SDR42E2: variants seen among roughly 807,000 people sequenced by gnomAD.
The protein encoded by SDR42E2 is putative short-chain dehydrogenase/reductase family 42E member 2.
A neutral mutation model predicts 10.5 loss-of-function variants in SDR42E2; 20 were observed. The observed-to-expected ratio is 1.90, with a 90% confidence interval of 1.34 to 2.77. The LOEUF (loss-of-function observed/expected upper bound fraction) is 2.77, where lower values mean the gene tolerates loss of function less well. SDR42E2 is among the 30% of genes most tolerant of loss of function. The pLI is 0.00. For synonymous variants in SDR42E2, 72 were observed against 39.2 expected (o/e 1.84, Z -3.12); for missense variants, 162 against 104.2 (o/e 1.55, Z -2.42).
intron 7 of SDR42E2, among the ~76,000 whole-genome samples, chr16:22,177,612 A>G (rs1383456457): frequency 6.6e-6 from 1 of 152,098 alleles, no homozygotes. Flanking sequence ...TGGGCGGCAG[A>G]GCAAGATTCC....
In SDR42E2 at chr16:22,170,847, C is replaced by T. The variant is rs201626437; in HGVS notation, c.409C>T (p.Arg137Trp). The change falls in exon 6 of 13, where the codon CGG (arginine) becomes TGG (tryptophan). Residue 137 changes from arginine to tryptophan, a missense_variant. Coordinates refer to ENST00000602312, the MANE Select transcript of SDR42E2 (RefSeq NM_001394319.2). The stretch of plus-strand genomic sequence containing the variant: ...TGCTGCTGCAGTCTGTGTTCGCCGG[C>T]GGGTTCCAAGGCTCATCTATACCAG... ...KLVIDVCVRRRVPRLIYTSTV... is the reference protein window; with the variant it reads ...KLVIDVCVRRWVPRLIYTSTV... 4.3e-4 allele frequency: 300 copies of T among 702,974 alleles called. 1 individual carries two copies. Among genetic ancestry groups the T allele is most frequent in the South Asian group, 2.1e-3 (145 of 67,610 alleles). 43.5% of individuals were successfully genotyped at this position (702,974 alleles called of 1,614,324 possible). A position where few individuals can be genotyped will look rare whatever the true frequency, so the allele number is the denominator to read the frequency against.
intron 1 of SDR42E2, among the ~76,000 whole-genome samples, chr16:22,164,794 C>T (rs2046521898): frequency 6.6e-6 from 1 of 152,164 alleles, no homozygotes; most frequent in East Asian, 1.9e-4. Context: ...CCTCCTCCTC[C>T]TCTTTCTCTT....
intron 12 of SDR42E2, among the ~76,000 whole-genome samples, chr16:22,187,988 C>T (rs541035661): frequency 6.6e-6 from 1 of 151,680 alleles, no homozygotes; most frequent in South Asian, 2.1e-4. Context: ...CCCAGCTACT[C>T]GGGATGCTGA....
At chr16:22,179,531 G>T (rs2046674610) in intron 8 of SDR42E2, among the ~76,000 whole-genome samples, 1 of 152,132 alleles carries the variant, frequency 6.6e-6, no homozygotes, top group South Asian at 2.1e-4. Flanking sequence ...GTATGTTCAG[G>T]CCAAGTGCGG....
intron 1 of SDR42E2, among the ~76,000 whole-genome samples, chr16:22,164,279 C>T (rs1320825037): frequency 1.3e-5 from 2 of 152,132 alleles, no homozygotes; most frequent in Non-Finnish European, 2.9e-5. Context: ...ATCTAGGGAG[C>T]TGGATGCGGT....
chr16:22,171,389 T>C (rs928040759), intron 6 of SDR42E2, among the ~76,000 whole-genome samples: 18 of 148,746 alleles, frequency 1.2e-4, no homozygotes, highest in African/African-American at 4.0e-4. Flanking sequence ...TATAGGTGCA[T>C]GCCACCACAA....
At position 22,190,206 on chromosome 16, in the gene SDR42E2, C is replaced by G. The variant is rs759503124; in HGVS notation, c.1082C>G (p.Pro361Arg). Reference sequence around the variant, plus strand: ...GCCCGCGCCCAGCTCGGCTACGCGCCGGATAAGTTTAGGTTCGCCGACGCC... The same window carrying G: ...GCCCGCGCCCAGCTCGGCTACGCGCGGGATAAGTTTAGGTTCGCCGACGCC... ...AKARAQLGYAPDKFRFADAVE... is the reference protein window; with the variant it reads ...AKARAQLGYARDKFRFADAVE... The change falls in exon 13 of 13, where the codon CCG (proline) becomes CGG (arginine). Residue 361 changes from proline to arginine, a missense_variant. Physicochemically the swap from Pro to Arg is moderately radical, Grantham distance 103. Transcript: ENST00000602312. 2.5e-6 allele frequency: 1 copy of G among 401,084 alleles called. No individual in the cohort carries two copies. The highest frequency in any genetic ancestry group is 4.4e-6 in the Non-Finnish European group (1 of 226,130). 24.8% of individuals were successfully genotyped at this position (401,084 alleles called of 1,614,324 possible). A position where few individuals can be genotyped will look rare whatever the true frequency, so the allele number is the denominator to read the frequency against.
chr16:22,188,761 G>T (rs1049166447), intron 12 of SDR42E2, among the ~76,000 whole-genome samples: 2 of 152,044 alleles, frequency 1.3e-5, no homozygotes, highest in African/African-American at 4.8e-5. Context: ...TGTGGCTCGG[G>T]TACCCTCTGC....
intron 12 of SDR42E2, 30 bp downstream of exon 12, chr16:22,186,824 C>T (rs1002395090): frequency 6.3e-6 from 2 of 316,490 alleles, no homozygotes; most frequent in African/African-American, 6.8e-5. Flanking sequence ...GGGACCTAGG[C>T]CCTGCTCCCC....
At position 22,191,696 on chromosome 16, in the gene SDR42E2, C is replaced by T. The variant is rs1018627148; in HGVS notation, c.*1303C>T. The T allele has an allele frequency of 2.0e-5, 3 of 151,074 alleles. No individual in the cohort carries two copies. The highest frequency in any genetic ancestry group is 4.4e-5 in the Non-Finnish European group (3 of 67,780). The allele number at this position is 151,074 out of a possible 1,614,324, so 9.4% of individuals were successfully genotyped here. A position where few individuals can be genotyped will look rare whatever the true frequency, so the allele number is the denominator to read the frequency against. ...AGCATGAAAAATTTAAAAAAAAAAA[C>T]TCTTAAAATAATTGGATGTCTCGAT... is the stretch of plus-strand genomic sequence containing the variant. On this transcript the variant is annotated 3_prime_UTR_variant, in exon 13 of 13. Coordinates refer to ENST00000602312, the MANE Select transcript of SDR42E2 (RefSeq NM_001394319.2).
At chr16:22,178,048 A>G (rs1485230421) in intron 7 of SDR42E2, 82 bp from the exon 8 acceptor site, 2 of 664,120 alleles carry the variant, frequency 3.0e-6, no homozygotes, top group African/African-American at 1.8e-5. Context: ...GGTAAGCACC[A>G]ACAGATGGAG....
intron 5 of SDR42E2, among the ~76,000 whole-genome samples, chr16:22,169,714 G>C (rs2046578183): frequency 6.6e-6 from 1 of 152,184 alleles, no homozygotes. Flanking sequence ...ACCTCTCAGG[G>C]CTTAGGGACT....
chr16:22,175,091 G>A (rs1038647648), intron 7 of SDR42E2, among the ~76,000 whole-genome samples: 4 of 152,070 alleles, frequency 2.6e-5, no homozygotes, highest in Non-Finnish European at 4.4e-5. Context: ...ATGTCCTCCC[G>A]TCTTCTGTCT....
chr16:22,178,294 G>A (rs1304336873), intron 8 of SDR42E2, 82 bp downstream of exon 8: 3 of 656,252 alleles, frequency 4.6e-6, no homozygotes, highest in Non-Finnish European at 8.4e-6. Flanking sequence ...CCCAGCCCCT[G>A]GTCGCTGCAT....
At chr16:22,185,162 A>C (rs9939477) in intron 11 of SDR42E2, among the ~76,000 whole-genome samples, 64,357 of 151,922 alleles carry the variant, frequency 0.42, 15,707 homozygotes, top group East Asian at 0.88. Flanking sequence ...CAGCACCCAT[A>C]CAATGGCCTC....
Position 22,186,800 on chromosome 16 carries a change from TG to T in SDR42E2, c.1014+9del. 2.6e-6 allele frequency: 1 copy of T among 381,728 alleles called. No individual in the cohort carries two copies. The highest frequency in any genetic ancestry group is 4.6e-6 in the Non-Finnish European group (1 of 219,004). The allele number at this position is 381,728 out of a possible 1,614,324, so 23.6% of individuals were successfully genotyped here. A position where few individuals can be genotyped will look rare whatever the true frequency, so the allele number is the denominator to read the frequency against. ...CGCTGCTCACTCGTAGTGAGGTAAG[TG>T]GGCTGCTGTTATGGGACCTAGGCCC... On this transcript the variant is annotated splice_region_variant and intron_variant, in intron 12 of 12. Transcript: ENST00000602312.
At position 22,186,766 on chromosome 16, in the gene SDR42E2, G is replaced by T. The variant is rs1366640780; in HGVS notation, c.986G>T (p.Ser329Ile). Residue 329 changes from serine to isoleucine, a missense_variant, in exon 12 of 13, where the codon AGC becomes ATC. By Grantham distance (142) the Ser-to-Ile change is moderately radical. Transcript: ENST00000602312. The part of the protein sequence containing the change: ...RLHLALRPIC[S>I]LPPLLTRSEV... ...CATCTGGCCCTGAGACCCATCTGCA[G>T]CCTCCCACCGCTGCTCACTCGTAGT... is the stretch of plus-strand genomic sequence containing the variant. The T allele has an allele frequency of 5.0e-6, 2 of 401,100 alleles. No individual in the cohort carries two copies. Among genetic ancestry groups the T allele is most frequent in the Non-Finnish European group, 8.8e-6 (2 of 226,256 alleles). 24.8% of individuals were successfully genotyped at this position (401,100 alleles called of 1,614,324 possible). A position where few individuals can be genotyped will look rare whatever the true frequency, so the allele number is the denominator to read the frequency against.
chr16:22,166,624 C>T (rs1203739793), intron 3 of SDR42E2, among the ~76,000 whole-genome samples, 190 bp downstream of exon 3: 1 of 152,086 alleles, frequency 6.6e-6, no homozygotes, highest in Non-Finnish European at 1.5e-5. Context: ...GTAACCAACA[C>T]CTACTTCACA....
At chr16:22,171,821 TG>T (rs1187826480) in intron 6 of SDR42E2, among the ~76,000 whole-genome samples, 1 of 152,178 alleles carries the variant, frequency 6.6e-6, no homozygotes, top group African/African-American at 2.4e-5. Context: ...CATGAGCCAC[TG>T]CACCCGGACA....
Sources: allele counts gnomAD v4.1 joint callset (sites outside exome capture counted in the v4.1 genomes callset), GRCh38; gene constraint gnomAD v4.1.1; transcripts MANE v1.5; gene names NCBI Gene and HGNC (gene_info 2026-07-23, HGNC 2026-07-21).